SEMA5A: variants seen among roughly 807,000 people sequenced by gnomAD.
SEMA5A encodes semaphorin 5A, also known as semaphorin-5A.
Under a neutral mutation model 135.5 loss-of-function variants are expected in SEMA5A, and 55 were observed. The ratio of observed to expected loss-of-function variants is 0.41; its 90% confidence interval spans 0.33 to 0.51. SEMA5A has a LOEUF of 0.51. Among genes scored for constraint, SEMA5A ranks in the 20% least tolerant of loss-of-function variants. SEMA5A has a pLI of 0.37. For synonymous variants in SEMA5A, 580 were observed against 546.5 expected, an observed-to-expected ratio of 1.06 and a Z score of -0.85; for missense variants, 1,290 against 1,419.9, an observed-to-expected ratio of 0.91 and a Z score of 1.47.
chr5:9,405,633 CT>C (rs67351065), intron 2 of SEMA5A, among the ~76,000 whole-genome samples: 19,545 of 152,190 alleles, frequency 0.13, 1,405 homozygotes, highest in Non-Finnish European at 0.16. Context: ...TCACAGCCCC[CT>C]GTCTCTTGGG....
chr5:9,091,485 C>A (rs977298191), intron 16 of SEMA5A, among the ~76,000 whole-genome samples: 2 of 152,118 alleles, frequency 1.3e-5, no homozygotes, highest in African/African-American at 4.8e-5. Flanking sequence ...AGAAGCCTGC[C>A]AAATCTCTTC....
rs1003331372 is a variant in SEMA5A at position 9,160,335 on chromosome 5, G to A, written c.1274-5640C>T. Among the ~76,000 whole-genome samples the A allele has an allele frequency of 5.9e-5, 9 of 152,218 alleles. 1 individual carries two copies. The highest frequency in any genetic ancestry group is 4.6e-4 in the Admixed American group (7 of 15,282). On this transcript the variant is annotated intron_variant, in intron 11 of 22. Transcript: ENST00000382496. Reference sequence around the variant, plus strand: ...CCCCTCCCTCTGTACATACAAGGTGGACTCGAGCATCCTTGGGCAAACAGT... The same window carrying A: ...CCCCTCCCTCTGTACATACAAGGTGAACTCGAGCATCCTTGGGCAAACAGT...
chr5:9,184,854 G>T (rs923296383), intron 11 of SEMA5A, among the ~76,000 whole-genome samples: 3 of 152,122 alleles, frequency 2.0e-5, no homozygotes, highest in African/African-American at 7.2e-5. Context: ...TCTGTAGACT[G>T]AAGTGACAGG....
intron 9 of SEMA5A, among the ~76,000 whole-genome samples, chr5:9,197,740 G>T (rs1178716404): frequency 4.1e-5 from 4 of 96,730 alleles, no homozygotes; most frequent in Admixed American, 4.1e-4. Context: ...GTGTGTGTGT[G>T]TGTGTGTGTG....
intron 3 of SEMA5A, among the ~76,000 whole-genome samples, chr5:9,340,736 G>T (rs1753611555): frequency 6.6e-6 from 1 of 152,122 alleles, no homozygotes; most frequent in Non-Finnish European, 1.5e-5. Flanking sequence ...TGAGTAATCT[G>T]CATATTCCCT....
chr5:9,167,541 A>G (rs775964473), intron 11 of SEMA5A, among the ~76,000 whole-genome samples: 2 of 152,004 alleles, frequency 1.3e-5, no homozygotes, highest in Non-Finnish European at 2.9e-5. Flanking sequence ...CCTTTCCAGA[A>G]CACCCCAGGA....
rs554577693 is a variant in SEMA5A at position 9,276,609 on chromosome 5, C to CAT, written c.271-38721_271-38720dup. On this transcript the variant is annotated intron_variant, in intron 5 of 22. Transcript: ENST00000382496. ...ACAGTATGGTACTGGTACCAAAACA[C>CAT]ATATATATATACCAATGGAACAGAA... 5.2e-4 allele frequency among the ~76,000 whole-genome samples: 79 copies of CAT among 151,978 alleles called. No individual in the cohort carries two copies. In the East Asian group the frequency reaches 7.0e-3, roughly 13 times the overall value.
At chr5:9,473,076 T>C (rs1277633541) in intron 1 of SEMA5A, among the ~76,000 whole-genome samples, 1 of 148,512 alleles carries the variant, frequency 6.7e-6, no homozygotes, top group Non-Finnish European at 1.5e-5. Context: ...ATTTTGTTTA[T>C]TTACATATGT....
At chr5:9,429,711 A>G (rs1757789999) in intron 2 of SEMA5A, among the ~76,000 whole-genome samples, 1 of 152,240 alleles carries the variant, frequency 6.6e-6, no homozygotes, top group Non-Finnish European at 1.5e-5. Context: ...CACAGAAAGG[A>G]GTCAGAATGA....
intron 6 of SEMA5A, among the ~76,000 whole-genome samples, chr5:9,232,799 G>A (rs1224525363): frequency 1.3e-5 from 2 of 152,074 alleles, no homozygotes; most frequent in Non-Finnish European, 2.9e-5. Context: ...TTAACCTAAA[G>A]TACCCTCAAT....
At chr5:9,436,573 G>C (rs1240057619) in intron 2 of SEMA5A, among the ~76,000 whole-genome samples, 1 of 152,166 alleles carries the variant, frequency 6.6e-6, no homozygotes, top group Admixed American at 6.5e-5. Context: ...AGCAGGAATG[G>C]TCACCAATTA....
At chr5:9,168,169 T>G (rs1202574244) in intron 11 of SEMA5A, among the ~76,000 whole-genome samples, 1 of 152,066 alleles carries the variant, frequency 6.6e-6, no homozygotes, top group East Asian at 1.9e-4. Context: ...GAGCCGTAAG[T>G]ACAGCAGAGT....
chr5:9,372,485 G>A (rs1755180419), intron 3 of SEMA5A, among the ~76,000 whole-genome samples: 8 of 152,058 alleles, frequency 5.3e-5, no homozygotes, highest in Admixed American at 5.2e-4. Flanking sequence ...TTGTGAACAT[G>A]CCTAGAACTG....
At chr5:9,085,600 G>A (rs956114872) in intron 16 of SEMA5A, among the ~76,000 whole-genome samples, 44 of 152,340 alleles carry the variant, frequency 2.9e-4, no homozygotes, top group African/African-American at 8.9e-4. Flanking sequence ...CTAGATTTTA[G>A]AGGATGTATG....
chr5:9,369,369 A>G (rs769999132), intron 3 of SEMA5A, among the ~76,000 whole-genome samples: 7 of 152,180 alleles, frequency 4.6e-5, no homozygotes, highest in Non-Finnish European at 8.8e-5. Flanking sequence ...CCAATTTATC[A>G]AATTTTCTGG....
chr5:9,247,920 A>G (rs993051157), intron 5 of SEMA5A, among the ~76,000 whole-genome samples: 3 of 152,206 alleles, frequency 2.0e-5, no homozygotes, highest in Non-Finnish European at 2.9e-5. Flanking sequence ...CACTTAGTGA[A>G]CATGACTGAT....
chr5:9,381,620 C>T (rs577449536), intron 2 of SEMA5A, among the ~76,000 whole-genome samples: 1 of 152,272 alleles, frequency 6.6e-6, no homozygotes, highest in Admixed American at 6.5e-5. Flanking sequence ...AGAGAGAACA[C>T]ATTTAGGTGC....
At chr5:9,440,530 C>T (rs1344374684) in intron 1 of SEMA5A, among the ~76,000 whole-genome samples, 1 of 152,196 alleles carries the variant, frequency 6.6e-6, no homozygotes, top group Non-Finnish European at 1.5e-5. Flanking sequence ...AGTTCTGCCT[C>T]TTAAAAAATG....
chr5:9,368,536 C>G (rs976645765), intron 3 of SEMA5A, among the ~76,000 whole-genome samples: 1 of 152,214 alleles, frequency 6.6e-6, no homozygotes, highest in Non-Finnish European at 1.5e-5. Flanking sequence ...CAAAAAATCT[C>G]TCGTACACCT....
Sources: gnomAD v4.1 joint callset for allele counts (sites outside exome capture counted in the v4.1 genomes callset) on GRCh38, gnomAD v4.1.1 for gene constraint, MANE v1.5 for transcripts, NCBI Gene and HGNC (gene_info 2026-07-23, HGNC 2026-07-21) for gene names.